Variants in HECW1 observed in about 807,000 individuals in gnomAD.
HECW1 encodes the protein HECT, C2 and WW domain containing E3 ubiquitin protein ligase 1, also known as E3 ubiquitin-protein ligase HECW1.
HECW1 carries 61 observed loss-of-function variants against 182.3 expected under a neutral mutation model. The observed-to-expected ratio is 0.33, with a 90% CI of 0.27 to 0.41. The LOEUF is 0.41. Ranked by LOEUF, HECW1 falls within the 10% of genes least tolerant of loss-of-function variation. The pLI, the probability that HECW1 is intolerant of heterozygous loss-of-function variation, is 1.00. For synonymous variants in HECW1, 859 were observed against 832.6 expected (o/e 1.03, Z -0.55); for missense variants, 1,739 against 2,108.9 (o/e 0.82, Z 3.44).
At position 43,521,049 on chromosome 7, in the gene HECW1, C is replaced by T. The variant is rs1182265756; in HGVS notation, c.4019+11928C>T. Among the ~76,000 whole-genome samples the T allele has an allele frequency of 1.3e-5, 2 of 152,194 alleles. 1 individual carries two copies. The highest frequency in any genetic ancestry group is 1.3e-4 in the Admixed American group (2 of 15,288). On this transcript the variant is annotated intron_variant, in intron 24 of 29. Transcript: ENST00000395891. ...ATGCCTGCTCCAACTCTCAGTAGAACCTGGGCAGCTTTCTTAACCTATCTG... is the reference window on the plus strand; with the variant it reads ...ATGCCTGCTCCAACTCTCAGTAGAATCTGGGCAGCTTTCTTAACCTATCTG...
chr7:43,121,179 T>A (rs1340674329), intron 2 of HECW1, among the ~76,000 whole-genome samples: 1 of 152,174 alleles, frequency 6.6e-6, no homozygotes, highest in African/African-American at 2.4e-5. Flanking sequence ...TAGCTTGAGC[T>A]TGTCTTTGCT....
chr7:43,450,452 G>A (rs1303909435), intron 11 of HECW1, among the ~76,000 whole-genome samples: 3 of 152,094 alleles, frequency 2.0e-5, no homozygotes, highest in Non-Finnish European at 4.4e-5. Flanking sequence ...CTTATAAAAC[G>A]CTGCATTTCC....
At chr7:43,257,983 A>G (rs939523172) in intron 3 of HECW1, among the ~76,000 whole-genome samples, 1 of 152,186 alleles carries the variant, frequency 6.6e-6, no homozygotes, top group African/African-American at 2.4e-5. Flanking sequence ...TGAATCTGAT[A>G]TTGTCTTCTC....
intron 2 of HECW1, among the ~76,000 whole-genome samples, chr7:43,143,273 G>A (rs1055098371): frequency 6.6e-6 from 1 of 151,524 alleles, no homozygotes; most frequent in African/African-American, 2.4e-5. Flanking sequence ...GCCCGGCCAA[G>A]GCCGCCTTTC....
At chr7:43,172,296 GATAA>G (rs1791774618) in intron 2 of HECW1, among the ~76,000 whole-genome samples, 1 of 151,424 alleles carries the variant, frequency 6.6e-6, no homozygotes, top group South Asian at 2.1e-4. Context: ...TCTGTCTCTA[GATAA>G]ATAAATAAAA....
Position 43,552,354 on chromosome 7 carries a change from GTAA to G in HECW1, c.4510+20_4510+22del, listed in dbSNP as rs772068343. On this transcript the variant is annotated intron_variant, in intron 28 of 29. Coordinates refer to ENST00000395891, the MANE Select transcript of HECW1 (RefSeq NM_015052.5). ...CCGGGGAGGTGAGTGGGCAGGAGCTGTAATGATGCAATGATCACAAATAGAACT... is the reference window on the plus strand; with the variant it reads ...CCGGGGAGGTGAGTGGGCAGGAGCTGTGATGCAATGATCACAAATAGAACT... The G allele has an allele frequency of 1.4e-5, 19 of 1,389,084 alleles. No individual in the cohort carries two copies. The African/African-American group carries it at 2.4e-4, about 18-fold the overall frequency. 86.0% of individuals were successfully genotyped at this position (1,389,084 alleles called of 1,614,324 possible).
chr7:43,453,956 A>C (rs2077317913), intron 12 of HECW1, among the ~76,000 whole-genome samples: 1 of 152,202 alleles, frequency 6.6e-6, no homozygotes, highest in Non-Finnish European at 1.5e-5. Flanking sequence ...TTCTGATTAC[A>C]CTTAGCTATT....
chr7:43,475,735 A>AT (rs1187651830), intron 16 of HECW1, among the ~76,000 whole-genome samples: 1 of 151,896 alleles, frequency 6.6e-6, no homozygotes, highest in East Asian at 1.9e-4. Context: ...ATATTTTTGT[A>AT]TTTTTTTGGT....
intron 29 of HECW1, 73 bp from the exon 30 acceptor site, chr7:43,561,742 C>A: frequency 9.8e-7 from 1 of 1,023,654 alleles, no homozygotes. Flanking sequence ...ATCACAACTT[C>A]AGACAGTCAC....
At chr7:43,252,176 C>A (rs549880936) in intron 3 of HECW1, among the ~76,000 whole-genome samples, 3 of 152,296 alleles carry the variant, frequency 2.0e-5, no homozygotes, top group African/African-American at 7.2e-5. Flanking sequence ...TTCCTTACTC[C>A]ATGATAGATA....
chr7:43,406,423 C>G (rs1198142929), intron 7 of HECW1, among the ~76,000 whole-genome samples: 1 of 152,170 alleles, frequency 6.6e-6, no homozygotes, highest in Non-Finnish European at 1.5e-5. Context: ...AACCTTGGAT[C>G]AACTCAAAAT....
intron 22 of HECW1, 32 bp downstream of exon 22, chr7:43,507,289 G>GACA: frequency 6.2e-7 from 1 of 1,605,394 alleles, no homozygotes; most frequent in Non-Finnish European, 8.5e-7. Context: ...ACTGAATTCA[G>GACA]ACAGTAGATT....
chr7:43,184,117 C>G (rs1025047317), intron 2 of HECW1, among the ~76,000 whole-genome samples: 1 of 152,106 alleles, frequency 6.6e-6, no homozygotes, highest in African/African-American at 2.4e-5. Context: ...GAGTTCACGC[C>G]ATTCTCCTGC....
At chr7:43,210,801 G>C (rs1262369965) in intron 2 of HECW1, among the ~76,000 whole-genome samples, 1 of 152,198 alleles carries the variant, frequency 6.6e-6, no homozygotes, top group Non-Finnish European at 1.5e-5. Flanking sequence ...CAGACACCCT[G>C]CCAGATCCAG....
chr7:43,214,451 GAC>G (rs923039003), intron 2 of HECW1, among the ~76,000 whole-genome samples: 5 of 152,038 alleles, frequency 3.3e-5, no homozygotes, highest in Non-Finnish European at 7.4e-5. Context: ...CAAAAAACTA[GAC>G]AAACTAGAGT....
chr7:43,518,119 G>A (rs2080248976), intron 24 of HECW1, among the ~76,000 whole-genome samples: 1 of 152,102 alleles, frequency 6.6e-6, no homozygotes, highest in African/African-American at 2.4e-5. Flanking sequence ...AAATTATTGA[G>A]AACATAAAAT....
chr7:43,186,438 C>T (rs182648082), intron 2 of HECW1, among the ~76,000 whole-genome samples: 1 of 152,114 alleles, frequency 6.6e-6, no homozygotes, highest in East Asian at 1.9e-4. Context: ...GAGGCCGAGG[C>T]GGATGGATCA....
intron 3 of HECW1, among the ~76,000 whole-genome samples, chr7:43,298,378 T>A (rs1346445368): frequency 6.6e-6 from 1 of 152,220 alleles, no homozygotes; most frequent in African/African-American, 2.4e-5. Context: ...GTTGACTGAA[T>A]AAATAAATGA....
intron 2 of HECW1, among the ~76,000 whole-genome samples, chr7:43,146,323 C>G (rs1029541629): frequency 6.6e-6 from 1 of 151,990 alleles, no homozygotes; most frequent in Non-Finnish European, 1.5e-5. Context: ...GCAGCTGCAC[C>G]CACCCTACCC....
Sources: gnomAD v4.1 joint callset for allele counts (sites outside exome capture counted in the v4.1 genomes callset) on GRCh38, gnomAD v4.1.1 for gene constraint, MANE v1.5 for transcripts, NCBI Gene and HGNC (gene_info 2026-07-23, HGNC 2026-07-21) for gene names.